The following MAMDC2 variants were observed in gnomAD, a reference collection of about 807,000 sequenced individuals.
MAMDC2 encodes the protein MAM domain-containing protein 2.
Under a neutral mutation model 89.8 loss-of-function variants are expected in MAMDC2, and 57 were observed. The ratio of observed to expected loss-of-function variants is 0.63; its 90% confidence interval spans 0.51 to 0.79. The LOEUF is 0.79. Among genes scored for constraint, MAMDC2 ranks in the 30% least tolerant of loss-of-function variants. The probability of loss-of-function intolerance (pLI) is 0.00; values close to 1 mark genes in which losing one functional copy is unlikely to be tolerated. For missense variants in MAMDC2, 800 were observed against 820.6 expected (o/e 0.97, Z 0.31); for synonymous variants, 313 against 293.4 (o/e 1.07, Z -0.68).
At chr9:70,074,305 G>A (rs919842861) in intron 2 of MAMDC2, among the ~76,000 whole-genome samples, 1 of 152,184 alleles carries the variant, frequency 6.6e-6, no homozygotes, top group Non-Finnish European at 1.5e-5. Flanking sequence ...CAACTTTTAA[G>A]GTTCCATGGG....
chr9:70,221,356 AATATATATAT>A (rs1215738162), intron 12 of MAMDC2, among the ~76,000 whole-genome samples: 1 of 9,422 alleles, frequency 1.1e-4, no homozygotes, highest in Non-Finnish European at 2.0e-4. Context: ...CCAAACAACA[AATATATATAT>A]ATATATATAT....
rs1408870974 is a variant in MAMDC2, at chr9:70,203,539, G to A, written c.1652-14798G>A. 1.3e-4 allele frequency among the ~76,000 whole-genome samples: 17 copies of A among 128,578 alleles called. 1 individual carries two copies. Among genetic ancestry groups the A allele is most frequent in the African/African-American group, 4.2e-4 (15 of 36,084 alleles). The allele number at this position is 128,578 out of a possible 152,430, so 84.4% of individuals were successfully genotyped here. On this transcript the variant is annotated intron_variant, in intron 11 of 13. Transcript: ENST00000377182. ...GAATCTGACATTTATGTGTCTTGGA[G>A]TTGCTCTTCTCGAGGAGTATCTTTG...
chr9:70,163,517 G>A (rs998316603), intron 9 of MAMDC2, among the ~76,000 whole-genome samples: 10 of 152,094 alleles, frequency 6.6e-5, no homozygotes, highest in African/African-American at 2.4e-4. Flanking sequence ...GTGAGCCACT[G>A]TGCCTGGCCC....
At chr9:70,083,397 A>C (rs992196935) in intron 2 of MAMDC2, 3 of 152,180 alleles carry the variant, frequency 2.0e-5, no homozygotes, top group African/African-American at 7.2e-5. Context: ...TTTATTAAAA[A>C]AAAAGTGTTG....
chr9:70,113,783 A>T (rs1927106), intron 5 of MAMDC2: 41,983 of 152,192 alleles, frequency 0.28, 6,041 homozygotes, highest in East Asian at 0.38. Flanking sequence ...TGGAAAAGCC[A>T]AGGTCTCCCC....
At position 70,143,632 on chromosome 9, in the gene MAMDC2, G is replaced by A. The variant is rs2031299705; in HGVS notation, c.1217G>A (p.Gly406Glu). ...IGRLYGPSLP[G>E]NLQYCLRFHY... Reference sequence around the variant, plus strand: ...AGGCTCTATGGGCCCTCCCTACCAGGAAACTTGCAGTATTGTCTGCGTTTT... The same window carrying A: ...AGGCTCTATGGGCCCTCCCTACCAGAAAACTTGCAGTATTGTCTGCGTTTT... Residue 406 changes from glycine (G) to glutamate (E), a missense_variant, in exon 9 of 14, where the codon GGA becomes GAA. Gly to Glu is a moderately conservative substitution (Grantham distance 98). Transcript: ENST00000377182. 6.2e-7 allele frequency: 1 copy of A among 1,614,166 alleles called. No individual in the cohort carries two copies. The highest frequency in any genetic ancestry group is 8.5e-7 in the Non-Finnish European group (1 of 1,180,014).
intron 4 of MAMDC2, 146 bp downstream of exon 4, chr9:70,109,950 T>C (rs1828463002): frequency 2.9e-6 from 2 of 681,162 alleles, no homozygotes; most frequent in Non-Finnish European, 5.2e-6. Context: ...CTTTGCTAGA[T>C]TCATTTGAAT....
At chr9:70,133,697 CA>C (rs1366170099) in intron 7 of MAMDC2, among the ~76,000 whole-genome samples, 18 of 152,190 alleles carry the variant, frequency 1.2e-4, no homozygotes, top group African/African-American at 4.3e-4. Context: ...ACATCTATAG[CA>C]AAGACGGAAG....
At chr9:70,082,552 G>A (rs1827677027) in intron 2 of MAMDC2, 2 of 152,122 alleles carry the variant, frequency 1.3e-5, no homozygotes, top group South Asian at 4.1e-4. Flanking sequence ...ATTGTTCCTA[G>A]TTTGGAGTGC....
intron 2 of MAMDC2, among the ~76,000 whole-genome samples, chr9:70,073,086 G>T (rs908587440): frequency 6.6e-6 from 1 of 152,134 alleles, no homozygotes. Context: ...CCCCCACCTT[G>T]GCCTCCCAAA....
chr9:70,069,145 C>T (rs898065130), intron 2 of MAMDC2, among the ~76,000 whole-genome samples: 19 of 152,204 alleles, frequency 1.2e-4, no homozygotes, highest in African/African-American at 4.6e-4. Context: ...TATGAATCCC[C>T]TGGACAGTAC....
intron 12 of MAMDC2, among the ~76,000 whole-genome samples, chr9:70,220,853 T>C (rs150787349): frequency 6.6e-6 from 1 of 152,352 alleles, no homozygotes; most frequent in Non-Finnish European, 1.5e-5. Flanking sequence ...TAATAATTCC[T>C]AGTCAGCTGT....
intron 2 of MAMDC2, among the ~76,000 whole-genome samples, chr9:70,095,832 A>C (rs888571336): frequency 6.6e-6 from 1 of 152,120 alleles, no homozygotes; most frequent in Non-Finnish European, 1.5e-5. Context: ...AAGTGCAGAC[A>C]TAGGAAGTCC....
chr9:70,216,988 A>G (rs1446233562), intron 11 of MAMDC2, among the ~76,000 whole-genome samples: 1 of 152,212 alleles, frequency 6.6e-6, no homozygotes, highest in East Asian at 1.9e-4. Flanking sequence ...GACAGAATGC[A>G]TACAATGGAC....
At chr9:70,114,857 G>T (rs1444397638) in intron 5 of MAMDC2, among the ~76,000 whole-genome samples, 1 of 152,148 alleles carries the variant, frequency 6.6e-6, no homozygotes. Flanking sequence ...AAAGAAAGGT[G>T]TTGGGAATTC....
In MAMDC2 at chr9:70,131,198, A is replaced by G. The variant is rs144903211; in HGVS notation, c.901-321A>G. Among the ~76,000 whole-genome samples, 69 of 152,244 alleles carry G rather than the reference A, an allele frequency of 4.5e-4. 1 individual carries two copies. In the East Asian group the frequency reaches 9.1e-3, roughly 20 times the overall value. On this transcript the variant is annotated intron_variant, in intron 6 of 13. Transcript: ENST00000377182. ...TTGGACCTCACTTATAAGGGTACCA[A>G]TCCCATTCCAAAACCTAATCACCTC...
At position 70,170,422 on chromosome 9, in the gene MAMDC2, C is replaced by G. The variant is rs2032303045; in HGVS notation, c.1499-57C>G. ...TCATACATGCAGAGTGGGCTGCTAG[C>G]AACACAGAGTCATTGAAAGAGTCTC... is the stretch of plus-strand genomic sequence containing the variant. On this transcript the variant is annotated intron_variant, in intron 10 of 13. Coordinates refer to ENST00000377182, the MANE Select transcript of MAMDC2 (RefSeq NM_153267.5). 6.5e-6 allele frequency: 10 copies of G among 1,531,958 alleles called. No individual in the cohort carries two copies. The South Asian group carries it at 1.3e-4, about 20-fold the overall frequency. 94.9% of individuals were successfully genotyped at this position (1,531,958 alleles called of 1,614,324 possible).
intron 11 of MAMDC2, among the ~76,000 whole-genome samples, chr9:70,206,845 G>C (rs978036470): frequency 4.6e-5 from 7 of 152,172 alleles, no homozygotes; most frequent in Admixed American, 4.6e-4. Flanking sequence ...TGTTCTCATT[G>C]TTCAATTCCC....
Position 70,050,262 on chromosome 9 carries a change from G to A in MAMDC2, c.148+5565G>A, listed in dbSNP as rs117671674. Among the ~76,000 whole-genome samples the A allele has an allele frequency of 4.1e-3, 629 of 152,294 alleles. 3 individuals are homozygous for A. The highest frequency in any genetic ancestry group is 0.022 in the South Asian group (107 of 4,828). On this transcript the variant is annotated intron_variant, in intron 2 of 13. Transcript: ENST00000377182. Reference sequence around the variant, plus strand: ...AGAGCCTGGCACATAGCAGGTGCTCGATATATATTTGTTGAATGAAAGAAC... The same window carrying A: ...AGAGCCTGGCACATAGCAGGTGCTCAATATATATTTGTTGAATGAAAGAAC...
Sources: gnomAD v4.1 joint callset for allele counts (sites outside exome capture counted in the v4.1 genomes callset) on GRCh38, gnomAD v4.1.1 for gene constraint, MANE v1.5 for transcripts, NCBI Gene and HGNC (gene_info 2026-07-23, HGNC 2026-07-21) for gene names.